MCM6: variants seen among roughly 807,000 people sequenced by gnomAD.
The protein encoded by MCM6 is DNA replication licensing factor MCM6.
In MCM6, 46 loss-of-function variants were observed where a neutral mutation model predicts 94.3. The ratio of observed to expected loss-of-function variants is 0.49; its 90% CI spans 0.39 to 0.62. MCM6 has a LOEUF of 0.62. Ranked by LOEUF, MCM6 falls within the 20% of genes least tolerant of loss-of-function variation. The pLI is 0.00. For synonymous variants in MCM6, 335 were observed against 351.9 expected (o/e 0.95, Z 0.54); for missense variants, 865 against 1,017.9 (o/e 0.85, Z 2.04).
chr2:135,853,708 T>C (rs1298925026), intron 11 of MCM6, among the ~76,000 whole-genome samples: 2 of 146,570 alleles, frequency 1.4e-5, no homozygotes, highest in African/African-American at 2.5e-5. Flanking sequence ...CACTAAATTT[T>C]GAAGATATTC....
chr2:135,845,854 G>A (rs796432097), intron 15 of MCM6, among the ~76,000 whole-genome samples: 1 of 152,132 alleles, frequency 6.6e-6, no homozygotes, highest in South Asian at 2.1e-4. Context: ...TAGATTTCTA[G>A]GCTCAATTAA....
intron 8 of MCM6, 66 bp from the exon 9 acceptor site, chr2:135,859,508 C>T (rs1221797460): frequency 4.4e-6 from 5 of 1,148,926 alleles, no homozygotes; most frequent in Non-Finnish European, 4.9e-6. Flanking sequence ...CCAGGAAAAC[C>T]AGCAGAAGAG....
At chr2:135,843,847 T>C (rs1381157239) in intron 16 of MCM6, among the ~76,000 whole-genome samples, 1 of 151,830 alleles carries the variant, frequency 6.6e-6, no homozygotes, top group Non-Finnish European at 1.5e-5. Context: ...AGACACTATT[T>C]GTAGGAGTGA....
In MCM6 at chr2:135,849,462, A is replaced by G. The variant is rs542776156; in HGVS notation, c.1918-1274T>C. On this transcript the variant is annotated intron_variant, in intron 13 of 16. Transcript: ENST00000264156. ...TAAGTGATACGTTACTGAATAGGAA[A>G]AATCATAGATGTTTTCAATTCTTCA... is the stretch of plus-strand genomic sequence containing the variant. 3.3e-5 allele frequency among the ~76,000 whole-genome samples: 5 copies of G among 152,374 alleles called. No individual in the cohort carries two copies. In the East Asian group the frequency reaches 9.6e-4, roughly 29 times the overall value.
In MCM6 at chr2:135,842,107, GATAAATAAATAA is replaced by G. The variant is rs111345267; in HGVS notation, c.2350-1168_2350-1157del. ...GCAACAGAGCAAGACTCTCTCAAAA[GATAAATAAATAA>G]ATAAATAAATAAATAGGTAATTCAA... On this transcript the variant is annotated intron_variant, in intron 16 of 16. Coordinates refer to ENST00000264156, the MANE Select transcript of MCM6 (RefSeq NM_005915.6). Among the ~76,000 whole-genome samples, 314 of 151,506 alleles carry G rather than the reference GATAAATAAATAA, an allele frequency of 2.1e-3. 1 individual carries two copies. The highest frequency in any genetic ancestry group is 7.1e-3 in the African/African-American group (291 of 41,134).
At chr2:135,842,186 A>G (rs1679585629) in intron 16 of MCM6, among the ~76,000 whole-genome samples, 1 of 152,196 alleles carries the variant, frequency 6.6e-6, no homozygotes, top group South Asian at 2.1e-4. Context: ...AAAGTCCTGA[A>G]GCAGATTCCT....
In MCM6 at chr2:135,852,596, A is replaced by AT. The variant is rs1381892158; in HGVS notation, c.1755+190dup. On this transcript the variant is annotated intron_variant, in intron 12 of 16. Coordinates refer to ENST00000264156, the MANE Select transcript of MCM6 (RefSeq NM_005915.6). ...CAAACAAATAATGGAATTATTCAGAATTTTTTTTACAGTTCCCTTTCTCAG... is the reference window on the plus strand; with the variant it reads ...CAAACAAATAATGGAATTATTCAGAATTTTTTTTTACAGTTCCCTTTCTCAG... Among the ~76,000 whole-genome samples the AT allele has an allele frequency of 1.1e-3, 161 of 151,964 alleles. 1 individual carries two copies. Among genetic ancestry groups the AT allele is most frequent in the African/African-American group, 3.6e-3 (149 of 41,418 alleles).
intron 1 of MCM6, among the ~76,000 whole-genome samples, chr2:135,875,401 G>A (rs1214064132): frequency 2.0e-5 from 3 of 152,086 alleles, no homozygotes; most frequent in East Asian, 1.9e-4. Context: ...GAGTGGTGAC[G>A]GCTGCACAAC....
At chr2:135,843,893 G>A (rs1230831292) in intron 16 of MCM6, among the ~76,000 whole-genome samples, 2 of 152,066 alleles carry the variant, frequency 1.3e-5, no homozygotes, top group Non-Finnish European at 2.9e-5. Context: ...GCTGAGTACT[G>A]AGAATGGCCA....
At chr2:135,859,869 T>C (rs1237986117) in intron 8 of MCM6, among the ~76,000 whole-genome samples, 1 of 152,108 alleles carries the variant, frequency 6.6e-6, no homozygotes, top group Non-Finnish European at 1.5e-5. Flanking sequence ...AGTGGTGTGA[T>C]CTCAGCTCAC....
At chr2:135,858,695 A>G (rs565439493) in intron 9 of MCM6, among the ~76,000 whole-genome samples, 1 of 152,298 alleles carries the variant, frequency 6.6e-6, no homozygotes, top group East Asian at 1.9e-4. Context: ...AAAAATATAC[A>G]CTTACTGTAC....
At chr2:135,853,048 A>G (rs2105578359) in intron 11 of MCM6, 133 bp from the exon 12 acceptor site, 1 of 685,022 alleles carries the variant, frequency 1.5e-6, no homozygotes, top group Non-Finnish European at 2.3e-6. Flanking sequence ...ATGGGTACCA[A>G]GTTTCTGATG....
chr2:135,868,485 C>T (rs1249335563), intron 4 of MCM6, 126 bp downstream of exon 4: 5 of 927,886 alleles, frequency 5.4e-6, no homozygotes, highest in Non-Finnish European at 8.1e-6. Flanking sequence ...ACTTTGTAGT[C>T]ATTTTGATGA....
chr2:135,864,930 A>T (rs914106049), intron 7 of MCM6, 83 bp downstream of exon 7: 1 of 1,105,794 alleles, frequency 9.0e-7, no homozygotes. Flanking sequence ...AGTCTGATTT[A>T]TGTGCTTTCA....
chr2:135,861,403 T>C (rs1679989929), intron 8 of MCM6, among the ~76,000 whole-genome samples: 1 of 152,168 alleles, frequency 6.6e-6, no homozygotes, highest in African/African-American at 2.4e-5. Context: ...TGGGTGCTGC[T>C]AGAGTAAGAC....
At chr2:135,875,743 C>T (rs1391267829) in intron 1 of MCM6, among the ~76,000 whole-genome samples, 1 of 152,218 alleles carries the variant, frequency 6.6e-6, no homozygotes, top group East Asian at 1.9e-4. Flanking sequence ...CTCCGCCCCC[C>T]AGCAGCTTTC....
At position 135,867,731 on chromosome 2, in the gene MCM6, A is replaced by T. The variant is rs994010372; in HGVS notation, c.615+880T>A. Among the ~76,000 whole-genome samples the T allele has an allele frequency of 3.3e-5, 5 of 151,388 alleles. No homozygotes were observed. The South Asian group carries it at 6.3e-4, about 19-fold the overall frequency. On this transcript the variant is annotated intron_variant, in intron 4 of 16. Transcript: ENST00000264156. ...TCACGGACTTATTCAGTTTGCTTTT[A>T]AAAAAAAACACACAGGCTGGGTGCA...
chr2:135,863,722 C>CAAACAAAACA (rs1558761103), intron 7 of MCM6, among the ~76,000 whole-genome samples: 5 of 78,122 alleles, frequency 6.4e-5, no homozygotes, highest in Non-Finnish European at 1.3e-4. Flanking sequence ...GAGTAAGACC[C>CAAACAAAACA]TAACAAAACA....
At chr2:135,867,283 A>G (rs928475907) in intron 4 of MCM6, among the ~76,000 whole-genome samples, 1 of 152,204 alleles carries the variant, frequency 6.6e-6, no homozygotes, top group African/African-American at 2.4e-5. Context: ...TAATTAAACA[A>G]TATTTAATTT....
Sources: gnomAD v4.1 joint callset for allele counts (sites outside exome capture counted in the v4.1 genomes callset) on GRCh38, gnomAD v4.1.1 for gene constraint, MANE v1.5 for transcripts, NCBI Gene and HGNC (gene_info 2026-07-23, HGNC 2026-07-21) for gene names.